PTPRG: variants seen among roughly 807,000 people sequenced by gnomAD.
The protein encoded by PTPRG is receptor-type tyrosine-protein phosphatase gamma.
In PTPRG, 102 loss-of-function variants were observed where a neutral mutation model predicts 165.3. The observed-to-expected ratio is 0.62, with a 90% CI of 0.53 to 0.73. The LOEUF (loss-of-function observed/expected upper bound fraction) is 0.73. PTPRG is among the 30% of genes least tolerant of loss of function. The pLI, the probability that PTPRG is intolerant of heterozygous loss-of-function variation, is 0.00. For synonymous variants in PTPRG, 675 were observed against 669.5 expected (o/e 1.01, Z -0.13); for missense variants, 1,866 against 1,861.4 (o/e 1.00, Z -0.05).
Position 61,860,579 on chromosome 3 carries a change from T to G in PTPRG, c.190+111597T>G, listed in dbSNP as rs146555543. 3.2e-4 allele frequency among the ~76,000 whole-genome samples: 49 copies of G among 151,914 alleles called. 1 individual carries two copies. The East Asian group carries it at 6.4e-3, about 20-fold the overall frequency. ...CCTCAGCCTCTGGAGTAGATGGGATTACAGGCACGCACCAGCACTCACCGG... is the reference window on the plus strand; with the variant it reads ...CCTCAGCCTCTGGAGTAGATGGGATGACAGGCACGCACCAGCACTCACCGG... On this transcript the variant is annotated intron_variant, in intron 2 of 29. Coordinates refer to ENST00000474889, the MANE Select transcript of PTPRG (RefSeq NM_002841.4).
At chr3:61,564,762 C>T (rs1699865099) in intron 1 of PTPRG, among the ~76,000 whole-genome samples, 1 of 152,190 alleles carries the variant, frequency 6.6e-6, no homozygotes, top group Middle Eastern at 3.2e-3. Context: ...GCCACCTCCA[C>T]ACTGGTCGGC....
chr3:61,800,255 G>T (rs1220059238), intron 2 of PTPRG, among the ~76,000 whole-genome samples: 1 of 152,156 alleles, frequency 6.6e-6, no homozygotes, highest in East Asian at 1.9e-4. Flanking sequence ...TGTTCTAGAA[G>T]GTGGTAGGTT....
chr3:62,203,949 AG>A lies in PTPRG; in HGVS notation c.2155+1del. On this transcript the variant is annotated frameshift_variant and splice_region_variant, in exon 12 of 30. Transcript: ENST00000474889. LOFTEE classifies it high-confidence loss of function. The surrounding 1 kb of genome is among the most constrained non-coding windows in gnomAD (Gnocchi z 6.4). ...ACAGCAGATTTATCACTGTTAATCC[AG>A]GTAAGTGGTGCAGGTCTTCTTCGAG... ...EDSRFITVNP[A>X]EKNTSGMISR... 2 of 1,558,990 alleles carry A rather than the reference AG, an allele frequency of 1.3e-6. No homozygotes were observed. The highest frequency in any genetic ancestry group is 1.7e-6 in the Non-Finnish European group (2 of 1,149,422).
chr3:62,151,434 T>G (rs1167537734), intron 6 of PTPRG, among the ~76,000 whole-genome samples: 1 of 152,168 alleles, frequency 6.6e-6, no homozygotes, highest in South Asian at 2.1e-4. Context: ...TAATACAGTG[T>G]GTATTTAATA....
chr3:62,064,421 T>C (rs1442580014), intron 4 of PTPRG, among the ~76,000 whole-genome samples: 2 of 152,148 alleles, frequency 1.3e-5, no homozygotes, highest in Non-Finnish European at 2.9e-5. Flanking sequence ...ATCTGAGAAC[T>C]TTCAAGGTTG....
chr3:62,191,885 G>A (rs956166914), intron 9 of PTPRG, among the ~76,000 whole-genome samples: 1 of 152,200 alleles, frequency 6.6e-6, no homozygotes, highest in African/African-American at 2.4e-5. Context: ...AACCCGGAGA[G>A]CCGGTTCATT....
intron 8 of PTPRG, among the ~76,000 whole-genome samples, chr3:62,174,104 G>A (rs2106753452): frequency 6.6e-6 from 1 of 152,288 alleles, no homozygotes; most frequent in Middle Eastern, 3.4e-3. Flanking sequence ...GATTTAATGG[G>A]CTGTCATTTC....
intron 26 of PTPRG, among the ~76,000 whole-genome samples, chr3:62,279,763 C>A (rs996330925): frequency 6.6e-6 from 1 of 152,058 alleles, no homozygotes; most frequent in Non-Finnish European, 1.5e-5. Flanking sequence ...GGTGATAAGT[C>A]TCATTGGACG....
At chr3:62,011,460 G>A (rs1421933944) in intron 4 of PTPRG, among the ~76,000 whole-genome samples, 1 of 152,118 alleles carries the variant, frequency 6.6e-6, no homozygotes, top group African/African-American at 2.4e-5. Context: ...TTCATGGAGC[G>A]TGGACGTGTT....
At chr3:61,961,635 C>G (rs549049412) in intron 2 of PTPRG, among the ~76,000 whole-genome samples, 1 of 152,086 alleles carries the variant, frequency 6.6e-6, no homozygotes. Flanking sequence ...TGAGAAAATC[C>G]AGCCATGCTT....
intron 1 of PTPRG, among the ~76,000 whole-genome samples, chr3:61,687,171 A>G (rs1703661197): frequency 1.3e-5 from 2 of 152,210 alleles, no homozygotes; most frequent in African/African-American, 2.4e-5. Flanking sequence ...GACGTAGGAA[A>G]TCTTCACCAG....
At chr3:61,601,433 G>A (rs1329899089) in intron 1 of PTPRG, among the ~76,000 whole-genome samples, 1 of 152,208 alleles carries the variant, frequency 6.6e-6, no homozygotes, top group East Asian at 1.9e-4. Context: ...TTTGATGTGA[G>A]TTTTATTATC....
chr3:62,168,509 C>T (rs1203595404), intron 8 of PTPRG, among the ~76,000 whole-genome samples: 4 of 152,204 alleles, frequency 2.6e-5, no homozygotes, highest in Admixed American at 2.0e-4. Context: ...TGAGCTCAGA[C>T]ATCAGTGAAA....
intron 1 of PTPRG, among the ~76,000 whole-genome samples, chr3:61,643,018 T>C (rs1335763145): frequency 6.6e-6 from 1 of 152,170 alleles, no homozygotes. Flanking sequence ...CACGAAAACA[T>C]GGTAAAACAA....
chr3:61,854,479 C>A (rs1253904367), intron 2 of PTPRG, among the ~76,000 whole-genome samples: 2 of 152,138 alleles, frequency 1.3e-5, no homozygotes, highest in Non-Finnish European at 2.9e-5. Flanking sequence ...ACTATGTACC[C>A]CATTTTGTTT....
At chr3:61,935,010 C>T (rs1321277161) in intron 2 of PTPRG, among the ~76,000 whole-genome samples, 1 of 152,118 alleles carries the variant, frequency 6.6e-6, no homozygotes. Flanking sequence ...TCCCTTCCAC[C>T]TTCCTTTCAC....
chr3:62,220,687 C>G (rs896350292), intron 13 of PTPRG, among the ~76,000 whole-genome samples: 2 of 152,102 alleles, frequency 1.3e-5, no homozygotes, highest in African/African-American at 4.8e-5. Context: ...CATCCCTTCT[C>G]CAGGAAAAAG....
At position 61,655,966 on chromosome 3, in the gene PTPRG, C is replaced by T. The variant is rs183622221; in HGVS notation, c.86-92912C>T. On this transcript the variant is annotated intron_variant, in intron 1 of 29. Coordinates refer to ENST00000474889, the MANE Select transcript of PTPRG (RefSeq NM_002841.4). ...AGTGGCTTATACCTGTAATCCTAGC[C>T]CTTTGTGGGAAGCTGAGGTGGGAGG... 3.1e-3 allele frequency among the ~76,000 whole-genome samples: 468 copies of T among 152,078 alleles called. 5 individuals are homozygous for T. Among genetic ancestry groups the T allele is most frequent in the Admixed American group, 0.022 (334 of 15,270 alleles).
At chr3:61,895,958 A>C (rs1354416993) in intron 2 of PTPRG, among the ~76,000 whole-genome samples, 1 of 152,180 alleles carries the variant, frequency 6.6e-6, no homozygotes, top group Non-Finnish European at 1.5e-5. Context: ...AGTTTCCCCA[A>C]AGGTAGCATT....
Sources: allele counts gnomAD v4.1 joint callset (sites outside exome capture counted in the v4.1 genomes callset), GRCh38; gene constraint gnomAD v4.1.1; non-coding constraint Gnocchi (gnomAD v3.1); transcripts MANE v1.5; gene names NCBI Gene and HGNC (gene_info 2026-07-23, HGNC 2026-07-21).